DNAH5: variants seen among roughly 807,000 people sequenced by gnomAD.
DNAH5 encodes axonemal beta dynein heavy chain 5.
Under a neutral mutation model 518.2 loss-of-function variants are expected in DNAH5, and 372 were observed. That is an observed-to-expected ratio of 0.72 (90% confidence interval 0.66 to 0.78). The LOEUF is 0.78. Ranked by LOEUF, DNAH5 falls within the 30% of genes least tolerant of loss-of-function variation. The pLI is 0.00. For synonymous variants in DNAH5, 2,039 were observed against 2,025.9 expected (o/e 1.01, Z -0.17); for missense variants, 5,523 against 5,687.0 (o/e 0.97, Z 0.93).
At chr5:13,836,929 T>G (rs1414700793) in intron 35 of DNAH5, among the ~76,000 whole-genome samples, 1 of 152,074 alleles carries the variant, frequency 6.6e-6, no homozygotes, top group Non-Finnish European at 1.5e-5. Flanking sequence ...ACTGCTGGCT[T>G]TGAAGATGAG....
chr5:13,799,840 T>C (rs979519085), intron 47 of DNAH5, among the ~76,000 whole-genome samples: 2 of 152,206 alleles, frequency 1.3e-5, no homozygotes, highest in African/African-American at 2.4e-5. Flanking sequence ...ATATACACTT[T>C]ATATATATAA....
At position 13,776,599 on chromosome 5, in the gene DNAH5, G is replaced by A. The variant is rs563907105; in HGVS notation, c.9213C>T (p.His3071=). 21 of 1,613,926 alleles carry A rather than the reference G, an allele frequency of 1.3e-5. No individual in the cohort carries two copies. Among genetic ancestry groups the A allele is most frequent in the Admixed American group, 6.7e-5 (4 of 59,986 alleles). Residue 3071 remains histidine, a synonymous_variant, in exon 55 of 79, where the codon CAC becomes CAT. Coordinates refer to ENST00000265104, the MANE Select transcript of DNAH5 (RefSeq NM_001369.3). The part of the protein sequence containing the change: ...PRCLPTNENL[H]DYFMSRVRQN... ...GTCGGACCCGACTCATGAAGTAGTC[G>A]TGCAGGTTCTCATTGGTAGGAAGGC...
chr5:13,928,907 G>A (rs1218294999), intron 2 of DNAH5, among the ~76,000 whole-genome samples: 1 of 152,168 alleles, frequency 6.6e-6, no homozygotes, highest in Non-Finnish European at 1.5e-5. Context: ...AATGTAAATG[G>A]TGGAGCCGTT....
chr5:13,885,286 TAGAC>T (rs552759260), intron 18 of DNAH5, 58 bp from the exon 19 acceptor site: 66 of 1,578,596 alleles, frequency 4.2e-5, no homozygotes, highest in African/African-American at 2.1e-4. Context: ...GATGGATAGA[TAGAC>T]AGATAGATAG....
chr5:13,870,951 A>C lies in DNAH5; in HGVS notation c.3650T>G (p.Ile1217Ser), dbSNP rs112124692. 12 of 1,613,702 alleles carry C rather than the reference A, an allele frequency of 7.4e-6. No homozygotes were observed. In the African/African-American group the frequency reaches 8.0e-5, roughly 11 times the overall value. The change falls in exon 24 of 79, where the codon ATT (isoleucine) becomes AGT (serine). Residue 1217 changes from isoleucine to serine, a missense_variant. Ile to Ser is a moderately radical substitution (Grantham distance 142, BLOSUM62 -2). This residue lies in a region of DNAH5 where 5,121 missense variants were observed against 5,223.3 expected (regional missense o/e 0.98). Coordinates refer to ENST00000265104, the MANE Select transcript of DNAH5 (RefSeq NM_001369.3). Reference protein sequence around the residue: ...TAETKAWMVVIGRHCNKKYRS... With the variant: ...TAETKAWMVVSGRHCNKKYRS... ...GTATTTTTTGTTACAGTGGCGTCCA[A>C]TGACAACCATCCAGGCCTTTGTCTC...
In DNAH5 at chr5:13,794,017, T is replaced by A; in HGVS notation, c.7929A>T (p.Thr2643=). Residue 2643 remains threonine (T), a synonymous_variant, in exon 48 of 79, where the codon ACA becomes ACT. Coordinates refer to ENST00000265104, the MANE Select transcript of DNAH5 (RefSeq NM_001369.3). ...ESYVDKRMGT[T]YGPPAGKKMT... ...TCTTCTTTCCCGCAGGAGGGCCATA[T>A]GTTGTACCCATTCGTTTATCCACAT... The A allele has an allele frequency of 1.9e-6, 3 of 1,614,176 alleles. No individual in the cohort carries two copies. Among genetic ancestry groups the A allele is most frequent in the Non-Finnish European group, 2.5e-6 (3 of 1,180,008 alleles).
Position 13,814,623 on chromosome 5 carries a change from A to G in DNAH5, c.7212T>C (p.Asp2404=), listed in dbSNP as rs876657454. The G allele has an allele frequency of 1.9e-6, 3 of 1,613,960 alleles. No homozygotes were observed. Among genetic ancestry groups the G allele is most frequent in the Middle Eastern group, 3.3e-4 (2 of 6,062 alleles). ...GMVFMSSSIL[D]WSPILEGFLK... ...ATTATACCTCAAGAATAGGACTCCAATCAAGGATAGAAGAGCTCATGAAAA... is the reference window on the plus strand; with the variant it reads ...ATTATACCTCAAGAATAGGACTCCAGTCAAGGATAGAAGAGCTCATGAAAA... The change falls in exon 43 of 79, where the codon GAT becomes GAC. Residue 2404 remains aspartate, a synonymous_variant. Coordinates refer to ENST00000265104, the MANE Select transcript of DNAH5 (RefSeq NM_001369.3).
At chr5:13,791,459 T>C (rs1247240653) in intron 50 of DNAH5, among the ~76,000 whole-genome samples, 1 of 143,324 alleles carries the variant, frequency 7.0e-6, no homozygotes, top group Non-Finnish European at 1.5e-5. Flanking sequence ...TTAAATGAAC[T>C]TCGTAAGCTG....
At chr5:13,904,949 G>C (rs1478002671) in intron 12 of DNAH5, among the ~76,000 whole-genome samples, 1 of 151,608 alleles carries the variant, frequency 6.6e-6, no homozygotes, top group Non-Finnish European at 1.5e-5. Flanking sequence ...AGAAATAGTA[G>C]GAAGTAAAAG....
intron 1 of DNAH5, among the ~76,000 whole-genome samples, chr5:13,966,662 T>A (rs1393852044): frequency 6.6e-6 from 1 of 152,254 alleles, no homozygotes; most frequent in Non-Finnish European, 1.5e-5. Flanking sequence ...TATCTTCTTT[T>A]GAGAATTGTC....
intron 1 of DNAH5, among the ~76,000 whole-genome samples, chr5:13,993,920 T>G (rs993801664): frequency 1.3e-5 from 2 of 152,192 alleles, no homozygotes; most frequent in African/African-American, 4.8e-5. Flanking sequence ...AGGTATATAA[T>G]GCAACCCATT....
chr5:13,896,355 T>C (rs1397821982), intron 15 of DNAH5, among the ~76,000 whole-genome samples: 1 of 152,104 alleles, frequency 6.6e-6, no homozygotes, highest in African/African-American at 2.4e-5. Context: ...CTTGCCTGAC[T>C]GTCTTCCTTT....
chr5:13,964,794 G>A (rs1259127499), intron 1 of DNAH5, among the ~76,000 whole-genome samples: 2 of 152,222 alleles, frequency 1.3e-5, no homozygotes, highest in Admixed American at 6.5e-5. Flanking sequence ...AGTATCTGAA[G>A]TAGGATCAGG....
intron 1 of DNAH5, among the ~76,000 whole-genome samples, chr5:14,009,078 G>T (rs937658924): frequency 6.6e-6 from 1 of 152,148 alleles, no homozygotes; most frequent in African/African-American, 2.4e-5. Flanking sequence ...TGAAGCCGTC[G>T]GTTTTTATTC....
chr5:13,867,821 C>T lies in DNAH5; in HGVS notation c.4006G>A (p.Glu1336Lys). 1 of 1,614,036 alleles carries T rather than the reference C, an allele frequency of 6.2e-7. No homozygotes were observed. Among genetic ancestry groups the T allele is most frequent in the East Asian group, 2.2e-5 (1 of 44,876 alleles). The change falls in exon 25 of 79, where the codon GAG becomes AAG. Residue 1336 changes from glutamate to lysine, a missense_variant. Around this residue, in one of 3 missense-constraint regions of DNAH5, gnomAD observed 5,121 missense variants for 5,223.3 expected, o/e 0.98. Transcript: ENST00000265104. The part of the protein sequence containing the change: ...SFKKELISAV[E>K]VFLQDCHQFY... ...TGGTGACAATCTTGGAGGAATACCT[C>T]CACAGCACTAATAAGCTCTTTCTTG...
At position 13,890,975 on chromosome 5, in the gene DNAH5, C is replaced by A. The variant is rs867422125; in HGVS notation, c.2577+1G>T. On this transcript the variant is annotated splice_donor_variant, in intron 17 of 78. Coordinates refer to ENST00000265104, the MANE Select transcript of DNAH5 (RefSeq NM_001369.3). LOFTEE classifies it high-confidence loss of function. ...ACAAAAAAAATCAAGGTTTTAATGA[C>A]CTTTGTCATTTGGAGAAACTCTTCA... The A allele has an allele frequency of 6.2e-7, 1 of 1,614,046 alleles. No homozygotes were observed. Among genetic ancestry groups the A allele is most frequent in the African/African-American group, 1.3e-5 (1 of 75,026 alleles).
Position 13,809,961 on chromosome 5 carries a change from A to G in DNAH5, c.7609+98T>C, listed in dbSNP as rs1760331999. The G allele has an allele frequency of 4.9e-6, 6 of 1,228,810 alleles. No homozygotes were observed. In the East Asian group the frequency reaches 1.5e-4, roughly 31 times the overall value. 76.1% of individuals were successfully genotyped at this position (1,228,810 alleles called of 1,614,324 possible). ...TTTTCATATCTTACAGCCAATAATT[A>G]TAAATCTCATTTAGAAAAAATATAT... On this transcript the variant is annotated intron_variant, in intron 45 of 78. Transcript: ENST00000265104.
At position 13,829,949 on chromosome 5, in the gene DNAH5, T is replaced by C. The variant is rs1019047533; in HGVS notation, c.6249+77A>G. On this transcript the variant is annotated intron_variant, in intron 37 of 78. Transcript: ENST00000265104. ...CCCAATTTCCATTCAGGAAAACAGA[T>C]GACATATGACCAGGGAGATGCATGA... 3 of 1,362,098 alleles carry C rather than the reference T, an allele frequency of 2.2e-6. No individual in the cohort carries two copies. The Admixed American group carries it at 5.1e-5, about 23-fold the overall frequency. The allele number at this position is 1,362,098 out of a possible 1,614,324, so 84.4% of individuals were successfully genotyped here.
At chr5:13,818,590 G>A (rs1359760205) in intron 41 of DNAH5, among the ~76,000 whole-genome samples, 1 of 152,204 alleles carries the variant, frequency 6.6e-6, no homozygotes, top group Non-Finnish European at 1.5e-5. Context: ...CTCGGATGAA[G>A]TAGCACCTGG....
Sources: allele counts gnomAD v4.1 joint callset (sites outside exome capture counted in the v4.1 genomes callset), GRCh38; gene constraint gnomAD v4.1.1; regional missense constraint gnomAD v4.1.1; transcripts MANE v1.5; gene names NCBI Gene and HGNC (gene_info 2026-07-23, HGNC 2026-07-21).